The following METAP2 variants were observed in gnomAD, a reference collection of about 807,000 sequenced individuals.
The protein encoded by METAP2 is methionine aminopeptidase 2.
In METAP2, 25 loss-of-function variants were observed where a neutral mutation model predicts 59.4. The ratio of observed to expected loss-of-function variants is 0.42; its 90% CI spans 0.31 to 0.59. METAP2 has a LOEUF of 0.59. METAP2 is among the 20% of genes least tolerant of loss of function. The pLI, the probability that METAP2 is intolerant of heterozygous loss-of-function variation, is 0.16. For missense variants in METAP2, 366 were observed against 581.2 expected (o/e 0.63, Z 3.81); for synonymous variants, 214 against 194.1 (o/e 1.10, Z -0.85).
chr12:95,511,377 C>T (rs1274887236), intron 8 of METAP2, among the ~76,000 whole-genome samples: 1 of 146,120 alleles, frequency 6.8e-6, no homozygotes, highest in Admixed American at 7.0e-5. Context: ...TTCCATCCTC[C>T]CTTCTAGCAC....
At position 95,514,177 on chromosome 12, in the gene METAP2, G is replaced by A. The variant is rs1034980068; in HGVS notation, c.*273G>A. On this transcript the variant is annotated 3_prime_UTR_variant, in exon 11 of 11. Coordinates refer to ENST00000323666, the MANE Select transcript of METAP2 (RefSeq NM_006838.4). Reference sequence around the variant, plus strand: ...CAAATTAGTTAGGAATGACTTATACGTTTTGTTTTGAATACCTAAGAGATA... The same window carrying A: ...CAAATTAGTTAGGAATGACTTATACATTTTGTTTTGAATACCTAAGAGATA... The A allele has an allele frequency of 1.5e-5, 6 of 404,628 alleles. No individual in the cohort carries two copies. Among genetic ancestry groups the A allele is most frequent in the African/African-American group, 6.2e-5 (3 of 48,444 alleles). 25.1% of individuals were successfully genotyped at this position (404,628 alleles called of 1,614,324 possible). A position where few individuals can be genotyped will look rare whatever the true frequency, so the allele number is the denominator to read the frequency against.
At chr12:95,491,192 C>T (rs149307667) in intron 4 of METAP2, among the ~76,000 whole-genome samples, 16 of 151,378 alleles carry the variant, frequency 1.1e-4, no homozygotes, top group Admixed American at 4.6e-4. Flanking sequence ...TCCTTTTCTT[C>T]CTATTTAGTT....
rs1024058033 is a variant in METAP2 at position 95,513,958 on chromosome 12, A to G, written c.*54A>G. 1.3e-6 allele frequency: 2 copies of G among 1,543,218 alleles called. No individual in the cohort carries two copies. Among genetic ancestry groups the G allele is most frequent in the Admixed American group, 2.0e-5 (1 of 51,034 alleles). On this transcript the variant is annotated 3_prime_UTR_variant, in exon 11 of 11. Coordinates refer to ENST00000323666, the MANE Select transcript of METAP2 (RefSeq NM_006838.4). ...TATTTTCTGAGCTTTGTTGGAAAAC[A>G]TGATACCAGAATTAATTTGCCACAT...
At chr12:95,485,675 A>T (rs2140143270) in intron 3 of METAP2, 1 of 453,320 alleles carries the variant, frequency 2.2e-6, no homozygotes, top group Non-Finnish European at 3.9e-6. Context: ...AGTTCTGAGG[A>T]GTTAAAAATT....
At chr12:95,499,168 G>T (rs2076297888) in intron 7 of METAP2, among the ~76,000 whole-genome samples, 1 of 152,130 alleles carries the variant, frequency 6.6e-6, no homozygotes, top group Admixed American at 6.5e-5. Context: ...TTGAGACAGG[G>T]TCTTGCTCTG....
chr12:95,494,909 A>G, intron 5 of METAP2, 48 bp from the exon 6 acceptor site: 1 of 1,502,702 alleles, frequency 6.7e-7, no homozygotes, highest in Admixed American at 1.9e-5. Flanking sequence ...TAATATATAA[A>G]AGTAAGAATG....
At chr12:95,510,039 G>A (rs901935525) in intron 8 of METAP2, among the ~76,000 whole-genome samples, 11 of 152,054 alleles carry the variant, frequency 7.2e-5, no homozygotes, top group African/African-American at 2.7e-4. Flanking sequence ...GTTTCACTGT[G>A]TTGGCCAGAC....
At chr12:95,474,364 C>T (rs769759359) in intron 1 of METAP2, 34 bp downstream of exon 1, 2 of 1,608,180 alleles carry the variant, frequency 1.2e-6, no homozygotes, top group Admixed American at 1.7e-5. Context: ...CAGTCCCCTC[C>T]GGGAACGGCT....
intron 4 of METAP2, among the ~76,000 whole-genome samples, chr12:95,490,022 C>G (rs1228121557): frequency 6.6e-6 from 1 of 152,012 alleles, no homozygotes; most frequent in African/African-American, 2.4e-5. Flanking sequence ...AAATAACATT[C>G]CATTTTCTCC....
At chr12:95,503,276 G>A (rs988017891) in intron 7 of METAP2, among the ~76,000 whole-genome samples, 1 of 152,076 alleles carries the variant, frequency 6.6e-6, no homozygotes, top group Non-Finnish European at 1.5e-5. Context: ...ATCCACCTGA[G>A]GTGTGAACTT....
At chr12:95,482,170 C>T (rs2076163341) in intron 2 of METAP2, 3 of 452,456 alleles carry the variant, frequency 6.6e-6, no homozygotes, top group Non-Finnish European at 1.3e-5. Flanking sequence ...CGTGCTGTGG[C>T]TCGATCTCAG....
intron 4 of METAP2, among the ~76,000 whole-genome samples, chr12:95,490,566 AT>A (rs67031623): frequency 0.12 from 12,782 of 102,910 alleles, 735 homozygotes; most frequent in African/African-American, 0.28. Flanking sequence ...TGAAGCCTGT[AT>A]TTTTTTTTTT....
intron 2 of METAP2, chr12:95,482,041 T>C: frequency 2.6e-6 from 1 of 380,346 alleles, no homozygotes; most frequent in Non-Finnish European, 5.3e-6. Context: ...TTATAATTTT[T>C]CGTGTGCCTT....
chr12:95,484,993 A>G (rs1032810065), intron 3 of METAP2: 1 of 412,774 alleles, frequency 2.4e-6, no homozygotes, highest in Admixed American at 3.1e-5. Flanking sequence ...CAAATAATAT[A>G]ATCATGGGCA....
In METAP2 at chr12:95,492,111, C is replaced by T. The variant is rs74846900; in HGVS notation, c.429-1945C>T. On this transcript the variant is annotated intron_variant, in intron 4 of 10. Transcript: ENST00000323666. ...GCATGAGCCACTGCACCTGGCCTAT[C>T]GTGTGTATGTATATGTGTGTTTGTG... Among the ~76,000 whole-genome samples, 13 of 138,926 alleles carry T rather than the reference C, an allele frequency of 9.4e-5. No individual in the cohort carries two copies. The East Asian group carries it at 1.2e-3, about 13-fold the overall frequency. 91.1% of individuals were successfully genotyped at this position (138,926 alleles called of 152,430 possible). A position where few individuals can be genotyped will look rare whatever the true frequency, so the allele number is the denominator to read the frequency against.
chr12:95,497,910 G>A (rs1036168162), intron 7 of METAP2, among the ~76,000 whole-genome samples: 3 of 151,312 alleles, frequency 2.0e-5, no homozygotes, highest in Non-Finnish European at 2.9e-5. Flanking sequence ...GGTGGATCAC[G>A]AAGTCAGGAG....
intron 3 of METAP2, 24 bp downstream of exon 3, chr12:95,483,304 A>G (rs752726624): frequency 6.4e-7 from 1 of 1,555,032 alleles, no homozygotes; most frequent in African/African-American, 1.4e-5. Flanking sequence ...GTTAATGTTA[A>G]TTGATATATT....
At position 95,514,754 on chromosome 12, in the gene METAP2, C is replaced by T. The variant is rs199916954; in HGVS notation, c.*850C>T. ...CAGAAAACCAAAAGGGTATTAAAGCCACAAAAGCAAAGAAGAAAAAAAAAA... is the reference window on the plus strand; with the variant it reads ...CAGAAAACCAAAAGGGTATTAAAGCTACAAAAGCAAAGAAGAAAAAAAAAA... On this transcript the variant is annotated 3_prime_UTR_variant, in exon 11 of 11. Transcript: ENST00000323666. 18 of 151,508 alleles carry T rather than the reference C, an allele frequency of 1.2e-4. No homozygotes were observed. Among genetic ancestry groups the T allele is most frequent in the African/African-American group, 4.4e-4 (18 of 41,216 alleles). The allele number at this position is 151,508 out of a possible 1,614,324, so 9.4% of individuals were successfully genotyped here.
intron 4 of METAP2, among the ~76,000 whole-genome samples, chr12:95,489,024 T>C (rs951113134): frequency 2.6e-5 from 4 of 152,196 alleles, no homozygotes; most frequent in Non-Finnish European, 4.4e-5. Context: ...TTTTCACTTA[T>C]TCAATTTTAT....
Sources: allele counts gnomAD v4.1 joint callset (sites outside exome capture counted in the v4.1 genomes callset), GRCh38; gene constraint gnomAD v4.1.1; transcripts MANE v1.5; gene names NCBI Gene and HGNC (gene_info 2026-07-23, HGNC 2026-07-21).